RAB6B: variants seen among roughly 807,000 people sequenced by gnomAD.
RAB6B encodes the protein RAB6B, member RAS oncogene family.
A neutral mutation model predicts 31.2 loss-of-function variants in RAB6B; 7 were observed. That is an observed-to-expected ratio of 0.22 (90% CI 0.13 to 0.42). The LOEUF (loss-of-function observed/expected upper bound fraction) is 0.42. RAB6B is among the 10% of genes least tolerant of loss of function. The pLI is 1.00. For missense variants in RAB6B, 149 were observed against 280.6 expected (o/e 0.53, Z 3.35); for synonymous variants, 105 against 104.9 (o/e 1.00, Z -0.01).
chr3:133,871,206 C>G (rs778410606), intron 1 of RAB6B, among the ~76,000 whole-genome samples: 4 of 152,226 alleles, frequency 2.6e-5, no homozygotes, highest in Non-Finnish European at 5.9e-5. Flanking sequence ...CCTCTGGCCT[C>G]AAGCAGTCCA....
chr3:133,891,615 C>T lies in RAB6B; in HGVS notation c.70+3782G>A, dbSNP rs142894218. Among the ~76,000 whole-genome samples the T allele has an allele frequency of 9.9e-5, 15 of 152,174 alleles. No individual in the cohort carries two copies. The East Asian group carries it at 2.7e-3, about 27-fold the overall frequency. The stretch of plus-strand genomic sequence containing the variant: ...CAGTGGACTATAAGTTCCAGGAGGG[C>T]AGGAATACGCTCAAAGAATAAATAA... On this transcript the variant is annotated intron_variant, in intron 1 of 7. Transcript: ENST00000285208.
intron 1 of RAB6B, among the ~76,000 whole-genome samples, chr3:133,891,617 G>A (rs1936638751): frequency 6.6e-6 from 1 of 152,192 alleles, no homozygotes; most frequent in Admixed American, 6.5e-5. Context: ...CAGGAGGGCA[G>A]GAATACGCTC....
In RAB6B at chr3:133,828,773, CA is replaced by C. The variant is rs1559897444; in HGVS notation, c.*14del. ...AAGCAAGGAGTGTCATGGGAAGCCA[CA>C]GGTCGGCTCTGCATTAGCAGGAGCA... On this transcript the variant is annotated 3_prime_UTR_variant, in exon 8 of 8. Transcript: ENST00000285208. 3.1e-6 allele frequency: 5 copies of C among 1,599,580 alleles called. No individual in the cohort carries two copies. Among genetic ancestry groups the C allele is most frequent in the Non-Finnish European group, 4.3e-6 (5 of 1,167,498 alleles).
chr3:133,848,025 G>A (rs971281760), intron 2 of RAB6B, among the ~76,000 whole-genome samples: 2 of 151,974 alleles, frequency 1.3e-5, no homozygotes, highest in African/African-American at 2.4e-5. Context: ...TATAACCCAG[G>A]ACTTACCCCT....
At chr3:133,836,543 C>T (rs981720961) in intron 6 of RAB6B, among the ~76,000 whole-genome samples, 2 of 152,204 alleles carry the variant, frequency 1.3e-5, no homozygotes, top group Non-Finnish European at 2.9e-5. Flanking sequence ...TGCTAAACCA[C>T]TGCATGGGTT....
intron 1 of RAB6B, among the ~76,000 whole-genome samples, chr3:133,869,732 T>C (rs549385419): frequency 2.6e-4 from 40 of 152,278 alleles, no homozygotes; most frequent in African/African-American, 7.9e-4. Flanking sequence ...TGACACACTC[T>C]GGAAGCCAGC....
chr3:133,829,202 C>G (rs1390809787), intron 7 of RAB6B, among the ~76,000 whole-genome samples: 8 of 152,186 alleles, frequency 5.3e-5, no homozygotes, highest in Non-Finnish European at 1.2e-4. Flanking sequence ...TACCTGTCAG[C>G]CCCACTCAAA....
At chr3:133,883,430 A>G (rs1195450452) in intron 1 of RAB6B, among the ~76,000 whole-genome samples, 1 of 152,106 alleles carries the variant, frequency 6.6e-6, no homozygotes, top group Non-Finnish European at 1.5e-5. Flanking sequence ...CTTTCATTAA[A>G]TTTGGTTAGG....
chr3:133,892,517 C>T (rs920302100), intron 1 of RAB6B, among the ~76,000 whole-genome samples: 5 of 152,190 alleles, frequency 3.3e-5, no homozygotes, highest in Non-Finnish European at 7.3e-5. Flanking sequence ...GCTCCACACC[C>T]TGGTCCATGC....
intron 1 of RAB6B, among the ~76,000 whole-genome samples, chr3:133,865,165 A>G (rs959614738): frequency 1.3e-5 from 2 of 152,176 alleles, no homozygotes; most frequent in African/African-American, 4.8e-5. Context: ...TCTCTCATGG[A>G]CAGGACTATT....
At chr3:133,828,879 G>A in intron 7 of RAB6B, 27 bp from the exon 8 acceptor site, 1 of 1,570,508 alleles carries the variant, frequency 6.4e-7, no homozygotes, top group Non-Finnish European at 8.7e-7. Context: ...TAAGGAAGAT[G>A]ACTCTCCTGG....
rs114366648 is a variant in RAB6B at position 133,851,299 on chromosome 3, A to G, written c.130-9636T>C. ...TGTTTTAGATAAAAGTGATGGCTTC[A>G]GTACACCCTGAGGTGTGAAGCCACA... is the stretch of plus-strand genomic sequence containing the variant. On this transcript the variant is annotated intron_variant, in intron 2 of 7. Transcript: ENST00000285208. 6.4e-3 allele frequency among the ~76,000 whole-genome samples: 975 copies of G among 152,364 alleles called. 14 individuals carry two copies. Among genetic ancestry groups the G allele is most frequent in the African/African-American group, 0.022 (932 of 41,578 alleles).
chr3:133,846,161 T>A (rs57638352), intron 2 of RAB6B, among the ~76,000 whole-genome samples: 4,508 of 152,190 alleles, frequency 0.03, 211 homozygotes, highest in African/African-American at 0.1. Flanking sequence ...AAATGGCAAT[T>A]GGAAGCTGGG....
Position 133,827,523 on chromosome 3 carries a change from TG to T in RAB6B, c.*1264del. ...ATCAAAAATGGAAGAGATGGCTCTCTGGGGGCAAGCAGCCTTCTGGAGACCC... is the reference window on the plus strand; with the variant it reads ...ATCAAAAATGGAAGAGATGGCTCTCTGGGGCAAGCAGCCTTCTGGAGACCC... On this transcript the variant is annotated 3_prime_UTR_variant, in exon 8 of 8. Transcript: ENST00000285208. 1 of 214,568 alleles carries T rather than the reference TG, an allele frequency of 4.7e-6. No individual in the cohort carries two copies. Among genetic ancestry groups the T allele is most frequent in the East Asian group, 1.2e-4 (1 of 8,496 alleles). 13.3% of individuals were successfully genotyped at this position (214,568 alleles called of 1,614,324 possible). A position where few individuals can be genotyped will look rare whatever the true frequency, so the allele number is the denominator to read the frequency against.
chr3:133,884,351 G>A (rs1328539910), intron 1 of RAB6B, among the ~76,000 whole-genome samples: 1 of 152,232 alleles, frequency 6.6e-6, no homozygotes, highest in East Asian at 1.9e-4. Context: ...GCCTTCTCTG[G>A]GTTAGGGGAG....
At chr3:133,879,512 C>A (rs1466748091) in intron 1 of RAB6B, among the ~76,000 whole-genome samples, 1 of 152,236 alleles carries the variant, frequency 6.6e-6, no homozygotes, top group Non-Finnish European at 1.5e-5. Context: ...TGTGTAACCA[C>A]CATGTCTGCA....
intron 2 of RAB6B, among the ~76,000 whole-genome samples, chr3:133,849,021 T>G (rs1935943062): frequency 6.6e-6 from 1 of 152,186 alleles, no homozygotes; most frequent in Admixed American, 6.5e-5. Context: ...CCACTTTATA[T>G]TTTAGAAATA....
intron 2 of RAB6B, among the ~76,000 whole-genome samples, chr3:133,847,293 C>T (rs1296250638): frequency 6.6e-6 from 1 of 152,230 alleles, no homozygotes; most frequent in Non-Finnish European, 1.5e-5. Context: ...AGACTGCAGT[C>T]AAGATTCAAA....
chr3:133,839,993 C>A (rs1229536525), intron 4 of RAB6B, among the ~76,000 whole-genome samples: 1 of 152,018 alleles, frequency 6.6e-6, no homozygotes, highest in Non-Finnish European at 1.5e-5. Context: ...TGCATACACA[C>A]ACACACACAC....
Sources: gnomAD v4.1 joint callset for allele counts (sites outside exome capture counted in the v4.1 genomes callset) on GRCh38, gnomAD v4.1.1 for gene constraint, MANE v1.5 for transcripts, NCBI Gene and HGNC (gene_info 2026-07-23, HGNC 2026-07-21) for gene names.